Variants in FUT8 observed in about 807,000 individuals in gnomAD.
FUT8 encodes fucosyltransferase 8, also known as alpha-(1,6)-fucosyltransferase.
In FUT8, 29 loss-of-function variants were observed where a neutral mutation model predicts 71.3. That is an observed-to-expected ratio of 0.41 (90% confidence interval 0.30 to 0.55). The LOEUF (loss-of-function observed/expected upper bound fraction) is 0.55, where lower values mean the gene tolerates loss of function less well. Among genes scored for constraint, FUT8 ranks in the 20% least tolerant of loss-of-function variants. The probability of loss-of-function intolerance (pLI) is 0.34; values close to 1 mark genes in which losing one functional copy is unlikely to be tolerated. For missense variants in FUT8, 544 were observed against 702.1 expected (o/e 0.77, Z 2.55); for synonymous variants, 254 against 239.3 (o/e 1.06, Z -0.57).
At chr14:65,532,940 G>GTAGGCTTTGTTGAAGA (rs1884056262) in intron 2 of FUT8, among the ~76,000 whole-genome samples, 1 of 152,152 alleles carries the variant, frequency 6.6e-6, no homozygotes, top group Admixed American at 6.5e-5. Context: ...AGATCAGATG[G>GTAGGCTTTGTTGAAGA]TTGTAGATAT....
chr14:65,462,967 A>G (rs573247923), intron 2 of FUT8, among the ~76,000 whole-genome samples: 1 of 152,224 alleles, frequency 6.6e-6, no homozygotes, highest in African/African-American at 2.4e-5. Flanking sequence ...ATCTTCCTGT[A>G]TGTAGCCCTT....
chr14:65,517,559 T>C (rs902667607), intron 2 of FUT8, among the ~76,000 whole-genome samples: 2 of 152,192 alleles, frequency 1.3e-5, no homozygotes, highest in Non-Finnish European at 2.9e-5. Context: ...AGTCAACATA[T>C]GCATATTCCA....
At chr14:65,663,507 T>C (rs1892068444) in intron 6 of FUT8, among the ~76,000 whole-genome samples, 2 of 152,160 alleles carry the variant, frequency 1.3e-5, no homozygotes, top group South Asian at 2.1e-4. Context: ...TTCCAGACTT[T>C]TAAGTATTAT....
At chr14:65,503,457 A>G (rs1049007241) in intron 2 of FUT8, among the ~76,000 whole-genome samples, 3 of 152,228 alleles carry the variant, frequency 2.0e-5, no homozygotes, top group African/African-American at 7.2e-5. Flanking sequence ...TCATATACTT[A>G]AACTTGTCAT....
intron 6 of FUT8, among the ~76,000 whole-genome samples, chr14:65,658,081 G>A (rs1464184512): frequency 6.6e-6 from 1 of 152,130 alleles, no homozygotes; most frequent in Non-Finnish European, 1.5e-5. Flanking sequence ...ACGAAGGCAT[G>A]TATAGACAAT....
intron 7 of FUT8, among the ~76,000 whole-genome samples, chr14:65,685,064 C>T (rs1893214719): frequency 6.6e-6 from 1 of 152,096 alleles, no homozygotes; most frequent in African/African-American, 2.4e-5. Flanking sequence ...TTTTTAAAGG[C>T]CATTGCTGTC....
chr14:65,375,998 G>A, the FUT8 span, among the ~76,000 whole-genome samples: 5 of 151,908 alleles, frequency 3.3e-5, no homozygotes, highest in South Asian at 2.1e-4. Context: ...AGCTGAGGCC[G>A]GAGAATCGCT....
chr14:65,638,324 G>C lies in FUT8; in HGVS notation c.597+8718G>C, dbSNP rs1458301610. On this transcript the variant is annotated intron_variant, in intron 6 of 10. Transcript: ENST00000673929. This position sits in a 1 kb window ranked among gnomAD's most constrained non-coding sequence, Gnocchi z 4.5. ...GCTTCCCAAAGTGTTGCAATCACAG[G>C]CGTGAGCCACTGTGTCCGGCCAGAA... Among the ~76,000 whole-genome samples, 1 of 152,140 alleles carries C rather than the reference G, an allele frequency of 6.6e-6. No homozygotes were observed. The highest frequency in any genetic ancestry group is 2.4e-5 in the African/African-American group (1 of 41,418).
upstream of FUT8, chr14:65,411,451 G>A (rs2065122481): frequency 6.5e-6 from 1 of 153,438 alleles, no homozygotes. Flanking sequence ...TTTTGAATCA[G>A]CAGTACCTTA....
At chr14:65,734,728 C>A (rs1896135398) in intron 10 of FUT8, among the ~76,000 whole-genome samples, 1 of 152,302 alleles carries the variant, frequency 6.6e-6, no homozygotes. Context: ...AACCTCCAAA[C>A]ATTCTTGATG....
chr14:65,403,905 CT>C, the FUT8 span, among the ~76,000 whole-genome samples: 4 of 150,718 alleles, frequency 2.7e-5, no homozygotes, highest in African/African-American at 9.7e-5. Flanking sequence ...TTTTTCTTTT[CT>C]TTTTTTTTGA....
At chr14:65,392,550 T>C in the FUT8 span, among the ~76,000 whole-genome samples, 3 of 152,090 alleles carry the variant, frequency 2.0e-5, no homozygotes, top group Non-Finnish European at 4.4e-5. Flanking sequence ...AGTCAGTTCA[T>C]GAAAAATGCC....
the FUT8 span, among the ~76,000 whole-genome samples, chr14:65,389,343 G>A: frequency 9.5e-4 from 144 of 151,304 alleles, no homozygotes; most frequent in Non-Finnish European, 1.8e-3. Flanking sequence ...CCAAGTAGCT[G>A]GGACCACAAG....
At chr14:65,477,211 G>A (rs1365861213) in intron 2 of FUT8, among the ~76,000 whole-genome samples, 1 of 152,168 alleles carries the variant, frequency 6.6e-6, no homozygotes, top group Non-Finnish European at 1.5e-5. Context: ...ACCTTGAATA[G>A]TAACTTCGAT....
rs915700813 is a variant in FUT8, at chr14:65,483,423, C to T, written c.-228+27705C>T. On this transcript the variant is annotated intron_variant, in intron 2 of 10. Coordinates refer to ENST00000673929, the MANE Select transcript of FUT8 (RefSeq NM_001371533.1). This position sits in a 1 kb window ranked among gnomAD's most constrained non-coding sequence, Gnocchi z 4.4. Reference sequence around the variant, plus strand: ...TATTAAGCTTTCACTTTTCAAATTACTGTGTGGCTTTTCTCTCCGGAATGG... The same window carrying T: ...TATTAAGCTTTCACTTTTCAAATTATTGTGTGGCTTTTCTCTCCGGAATGG... Among the ~76,000 whole-genome samples the T allele has an allele frequency of 1.3e-5, 2 of 152,150 alleles. No homozygotes were observed. Among genetic ancestry groups the T allele is most frequent in the African/African-American group, 4.8e-5 (2 of 41,430 alleles).
intron 9 of FUT8, among the ~76,000 whole-genome samples, chr14:65,730,774 A>C (rs1053974331): frequency 6.6e-6 from 1 of 152,258 alleles, no homozygotes; most frequent in South Asian, 2.1e-4. Context: ...TCAGTATTAC[A>C]GTGTTTGAAT....
At chr14:65,542,955 T>C (rs1884765710) in intron 2 of FUT8, among the ~76,000 whole-genome samples, 1 of 152,102 alleles carries the variant, frequency 6.6e-6, no homozygotes, top group Admixed American at 6.5e-5. Context: ...GCTAATTTTG[T>C]ATTTTTAGTA....
chr14:65,570,647 T>C (rs1327825634), intron 3 of FUT8, among the ~76,000 whole-genome samples: 1 of 152,114 alleles, frequency 6.6e-6, no homozygotes, highest in Non-Finnish European at 1.5e-5. Context: ...GACCTGGTTC[T>C]TCAGGCTTTC....
intron 1 of FUT8, among the ~76,000 whole-genome samples, chr14:65,426,328 GT>G (rs1334950112): frequency 2.4e-3 from 327 of 133,836 alleles, no homozygotes; most frequent in Non-Finnish European, 2.8e-3. Flanking sequence ...CCTTTTTAAA[GT>G]TTTTTTTTTT....
Sources: allele counts gnomAD v4.1 joint callset (sites outside exome capture counted in the v4.1 genomes callset), GRCh38; gene constraint gnomAD v4.1.1; non-coding constraint Gnocchi (gnomAD v3.1); transcripts MANE v1.5; gene names NCBI Gene and HGNC (gene_info 2026-07-23, HGNC 2026-07-21).